The following DLGAP2 variants were observed in gnomAD, a reference collection of about 807,000 sequenced individuals.
DLGAP2 encodes the protein disks large-associated protein 2.
A neutral mutation model predicts 100.3 loss-of-function variants in DLGAP2; 26 were observed. The observed-to-expected ratio is 0.26, with a 90% CI of 0.19 to 0.36. The LOEUF (loss-of-function observed/expected upper bound fraction) is 0.36. Among genes scored for constraint, DLGAP2 ranks in the 10% least tolerant of loss-of-function variants. DLGAP2 has a pLI of 1.00. For missense variants in DLGAP2, 1,858 were observed against 1,453.2 expected, an observed-to-expected ratio of 1.28 and a Z score of -4.53; for synonymous variants, 886 against 630.1, an observed-to-expected ratio of 1.41 and a Z score of -6.08.
At chr8:1,181,812 G>C (rs921370121) in intron 2 of DLGAP2, among the ~76,000 whole-genome samples, 1 of 152,140 alleles carries the variant, frequency 6.6e-6, no homozygotes, top group Non-Finnish European at 1.5e-5. Flanking sequence ...AGGCACCCAC[G>C]CAGAAGGCTA....
chr8:1,635,732 A>G (rs1797750820), intron 8 of DLGAP2, among the ~76,000 whole-genome samples: 1 of 152,270 alleles, frequency 6.6e-6, no homozygotes, highest in Non-Finnish European at 1.5e-5. Flanking sequence ...TATAACTACA[A>G]ATGTATAATA....
intron 2 of DLGAP2, among the ~76,000 whole-genome samples, chr8:1,185,066 G>A (rs542335767): frequency 2.0e-5 from 3 of 152,240 alleles, no homozygotes; most frequent in Admixed American, 1.3e-4. Flanking sequence ...AGGAAAGGTC[G>A]GGCGAGGGTT....
intron 4 of DLGAP2, among the ~76,000 whole-genome samples, chr8:1,536,375 G>A (rs142341902): frequency 7.6e-4 from 115 of 152,212 alleles, no homozygotes; most frequent in African/African-American, 2.5e-3. Context: ...TTTCATACCC[G>A]AGAACCAATA....
chr8:1,366,922 C>T (rs1420250954), intron 3 of DLGAP2, among the ~76,000 whole-genome samples: 2 of 152,044 alleles, frequency 1.3e-5, no homozygotes, highest in Non-Finnish European at 2.9e-5. Context: ...CCACAGACCC[C>T]GGTAAATAAC....
At chr8:1,302,795 G>C (rs1372461813) in intron 3 of DLGAP2, among the ~76,000 whole-genome samples, 1 of 152,264 alleles carries the variant, frequency 6.6e-6, no homozygotes, top group Non-Finnish European at 1.5e-5. Flanking sequence ...CCCAGAGCTT[G>C]GCTCTTCCCC....
At chr8:865,472 A>C (rs999509638) in intron 1 of DLGAP2, among the ~76,000 whole-genome samples, 1 of 152,066 alleles carries the variant, frequency 6.6e-6, no homozygotes, top group African/African-American at 2.4e-5. Flanking sequence ...TGCTGTTCTC[A>C]GTGTTGATCA....
At chr8:870,444 G>A (rs1177689463) in intron 1 of DLGAP2, among the ~76,000 whole-genome samples, 1 of 152,136 alleles carries the variant, frequency 6.6e-6, no homozygotes, top group African/African-American at 2.4e-5. Context: ...TAGTGGGTCT[G>A]TCTCCTTGGC....
chr8:1,255,001 T>TGC (rs1376037896), intron 2 of DLGAP2, among the ~76,000 whole-genome samples: 12 of 111,308 alleles, frequency 1.1e-4, no homozygotes, highest in African/African-American at 5.7e-4. Context: ...TGTCCTCTCA[T>TGC]CCTGCTTGGG....
chr8:1,025,256 C>A (rs1223675565), intron 2 of DLGAP2, among the ~76,000 whole-genome samples: 1 of 152,056 alleles, frequency 6.6e-6, no homozygotes, highest in Non-Finnish European at 1.5e-5. Context: ...ACGGTGCCGC[C>A]CTCTTTCACA....
In DLGAP2 at chr8:1,626,890, C is replaced by T; in HGVS notation, c.1590+3C>T. On this transcript the variant is annotated splice_donor_region_variant and intron_variant, in intron 7 of 14. Coordinates refer to ENST00000637795, the MANE Select transcript of DLGAP2 (RefSeq NM_001346810.2). ...GCCAGGCCAGCTGCGTGAGCCAGGTCAGGGTCCCTTCGCCCTTTCTCCCTG... is the reference window on the plus strand; with the variant it reads ...GCCAGGCCAGCTGCGTGAGCCAGGTTAGGGTCCCTTCGCCCTTTCTCCCTG... The T allele has an allele frequency of 6.3e-7, 1 of 1,592,562 alleles. No homozygotes were observed. The highest frequency in any genetic ancestry group is 8.5e-7 in the Non-Finnish European group (1 of 1,169,784).
intron 3 of DLGAP2, among the ~76,000 whole-genome samples, chr8:1,342,790 T>C (rs935969063): frequency 6.6e-6 from 1 of 152,206 alleles, no homozygotes; most frequent in Non-Finnish European, 1.5e-5. Context: ...GAAAGACTCA[T>C]GTGGTGCCTA....
intron 2 of DLGAP2, among the ~76,000 whole-genome samples, chr8:1,200,998 C>G (rs919899019): frequency 6.6e-6 from 1 of 152,170 alleles, no homozygotes; most frequent in Non-Finnish European, 1.5e-5. Context: ...GCGCGGCTGT[C>G]TCCCCGGACC....
intron 2 of DLGAP2, among the ~76,000 whole-genome samples, chr8:1,165,373 G>A (rs1016933457): frequency 6.6e-6 from 1 of 152,362 alleles, no homozygotes; most frequent in Admixed American, 6.5e-5. Flanking sequence ...TGGCTACCAA[G>A]CGCTGGCACA....
In DLGAP2 at chr8:837,603, C is replaced by T. The variant is rs972250529; in HGVS notation, c.19-70309C>T. Among the ~76,000 whole-genome samples, 7 of 151,956 alleles carry T rather than the reference C, an allele frequency of 4.6e-5. No homozygotes were observed. In the South Asian group the frequency reaches 1.0e-3, roughly 23 times the overall value. On this transcript the variant is annotated intron_variant, in intron 1 of 14. Coordinates refer to ENST00000637795, the MANE Select transcript of DLGAP2 (RefSeq NM_001346810.2). ...CAGGCCGCAGGCAGCGGTCTCTGGT[C>T]CATCCTGGCTTCCCAGGCTGGCTGC...
At chr8:782,246 A>G (rs1175653961) in intron 1 of DLGAP2, among the ~76,000 whole-genome samples, 1 of 152,114 alleles carries the variant, frequency 6.6e-6, no homozygotes, top group African/African-American at 2.4e-5. Context: ...TTAAAAAAAA[A>G]ACAGAAGAGA....
intron 2 of DLGAP2, among the ~76,000 whole-genome samples, chr8:1,182,300 G>C (rs1024963605): frequency 6.6e-6 from 1 of 152,248 alleles, no homozygotes; most frequent in Non-Finnish European, 1.5e-5. Context: ...GTGTTCACCT[G>C]AGGTCCCTTG....
At chr8:1,263,600 C>G (rs28485332) in intron 3 of DLGAP2, among the ~76,000 whole-genome samples, 1 of 152,178 alleles carries the variant, frequency 6.6e-6, no homozygotes, top group Non-Finnish European at 1.5e-5. Flanking sequence ...ACAAGTGACT[C>G]GAAACAATGC....
At chr8:1,357,422 T>G (rs1801881705) in intron 3 of DLGAP2, among the ~76,000 whole-genome samples, 1 of 150,866 alleles carries the variant, frequency 6.6e-6, no homozygotes, top group Non-Finnish European at 1.5e-5. Flanking sequence ...TTTTGTAGCT[T>G]TTTATTATTA....
chr8:1,529,115 C>T (rs1800896092), intron 4 of DLGAP2, among the ~76,000 whole-genome samples: 3 of 152,168 alleles, frequency 2.0e-5, no homozygotes, highest in South Asian at 2.1e-4. Flanking sequence ...AATTGACTCA[C>T]AGTTCAGCAT....
Sources: allele counts gnomAD v4.1 joint callset (sites outside exome capture counted in the v4.1 genomes callset), GRCh38; gene constraint gnomAD v4.1.1; transcripts MANE v1.5; gene names NCBI Gene and HGNC (gene_info 2026-07-23, HGNC 2026-07-21).